NR4A1: variants seen among roughly 807,000 people sequenced by gnomAD.
NR4A1 encodes nuclear receptor subfamily 4 group A member 1.
A neutral mutation model predicts 47.5 loss-of-function variants in NR4A1; 24 were observed. The ratio of observed to expected loss-of-function variants is 0.50; its 90% CI spans 0.37 to 0.71. The LOEUF is 0.71. NR4A1 is among the 30% of genes least tolerant of loss of function. NR4A1 has a pLI of 0.00. For synonymous variants in NR4A1, 353 were observed against 345.7 expected (o/e 1.02, Z -0.24); for missense variants, 669 against 788.6 (o/e 0.85, Z 1.82).
At chr12:52,056,969 C>A in intron 4 of NR4A1, 88 bp from the exon 5 acceptor site, 1 of 1,261,428 alleles carries the variant, frequency 7.9e-7, no homozygotes, top group Non-Finnish European at 1.1e-6. Context: ...CTCCCGGGAT[C>A]TGGCATCCAA....
intron 1 of NR4A1, chr12:52,053,968 T>C (rs2603756): frequency 0.41 from 95,580 of 230,852 alleles, 22,386 homozygotes; most frequent in African/African-American, 0.65. Flanking sequence ...GCCCCCACCA[T>C]GCCTTCCCCA....
upstream of NR4A1, among the ~76,000 whole-genome samples, chr12:52,048,548 A>T (rs887787194): frequency 3.3e-5 from 5 of 152,074 alleles, no homozygotes; most frequent in Non-Finnish European, 7.4e-5. Flanking sequence ...GAGCCGAGAT[A>T]GTGCCACTGC....
At chr12:52,029,138 G>C (rs1359247280) in intron 1 of NR4A1, among the ~76,000 whole-genome samples, 1 of 152,212 alleles carries the variant, frequency 6.6e-6, no homozygotes, top group Non-Finnish European at 1.5e-5. Flanking sequence ...AGTGGAAAGT[G>C]AGTGAGTTGC....
chr12:52,036,397 G>C lies in NR4A1; in HGVS notation c.-83-5413G>C, dbSNP rs148541680. On this transcript the variant is annotated intron_variant, in intron 1 of 7. Coordinates refer to the NR4A1 transcript ENST00000360284. ...ATGAAGCACTCCTTTGGATTGGGGA[G>C]AGCAGGGAGAACTAACTCAGTATCT... 2.9e-3 allele frequency among the ~76,000 whole-genome samples: 439 copies of C among 152,326 alleles called. 2 individuals are homozygous for C. Among genetic ancestry groups the C allele is most frequent in the African/African-American group, 9.6e-3 (399 of 41,568 alleles).
At chr12:52,052,022 C>T (rs867930229) in intron 1 of NR4A1, among the ~76,000 whole-genome samples, 3 of 152,120 alleles carry the variant, frequency 2.0e-5, no homozygotes, top group African/African-American at 7.2e-5. Context: ...CCTGTCAGCT[C>T]CCTCCCAGTG....
intron 1 of NR4A1, chr12:52,053,427 T>C (rs1939082155): frequency 6.6e-6 from 1 of 152,208 alleles, no homozygotes; most frequent in Non-Finnish European, 1.5e-5. Flanking sequence ...CAGAGTTCTC[T>C]TATTAAGATA....
upstream of NR4A1, among the ~76,000 whole-genome samples, chr12:52,047,883 G>A (rs570509299): frequency 5.3e-4 from 81 of 152,260 alleles, no homozygotes; most frequent in Middle Eastern, 3.4e-3. Context: ...GGCCGAGGGC[G>A]GTGGCTCACG....
intron 2 of NR4A1, among the ~76,000 whole-genome samples, chr12:52,042,845 C>T (rs1015813591): frequency 5.3e-5 from 8 of 152,226 alleles, no homozygotes; most frequent in African/African-American, 1.9e-4. Context: ...GCACCCCAGA[C>T]AGGGGTCATG....
At chr12:52,036,510 G>A (rs1011937265) in intron 1 of NR4A1, among the ~76,000 whole-genome samples, 6 of 152,220 alleles carry the variant, frequency 3.9e-5, no homozygotes, top group African/African-American at 1.4e-4. Flanking sequence ...TAGAGACGAG[G>A]AAGCTGAGGC....
chr12:52,035,754 G>A (rs115633112), intron 1 of NR4A1, among the ~76,000 whole-genome samples: 57 of 152,278 alleles, frequency 3.7e-4, no homozygotes, highest in African/African-American at 1.3e-3. Flanking sequence ...ATGAGAGAAA[G>A]GGAATTCTGA....
intron 1 of NR4A1, among the ~76,000 whole-genome samples, chr12:52,038,958 C>T (rs761683406): frequency 7.2e-5 from 11 of 152,182 alleles, no homozygotes; most frequent in Non-Finnish European, 1.6e-4. Flanking sequence ...AGCCTCCATC[C>T]GCTACACAGG....
upstream of NR4A1, among the ~76,000 whole-genome samples, chr12:52,050,056 G>C (rs899129671): frequency 3.3e-5 from 5 of 152,152 alleles, no homozygotes; most frequent in Admixed American, 6.5e-5. Flanking sequence ...GAATGGATGG[G>C]GGTCGCAGTG....
At chr12:52,056,880 C>T (rs1027341500) in intron 4 of NR4A1, 177 bp from the exon 5 acceptor site, 6 of 805,156 alleles carry the variant, frequency 7.5e-6, no homozygotes, top group Non-Finnish European at 1.1e-5. Context: ...AAAATATGTC[C>T]TTTTGGCAGC....
chr12:52,025,346 C>T (rs1039196700), intron 1 of NR4A1, among the ~76,000 whole-genome samples: 5 of 152,118 alleles, frequency 3.3e-5, no homozygotes, highest in Admixed American at 6.5e-5. Flanking sequence ...CAGGGGTGAG[C>T]CACCGCCCCA....
At chr12:52,048,317 G>A (rs540976937), upstream of NR4A1, among the ~76,000 whole-genome samples, 95 of 151,844 alleles carry the variant, frequency 6.3e-4, 2 homozygotes, top group African/African-American at 2.1e-3. Context: ...TATTTTGGCC[G>A]GGTACAGTGG....
intron 1 of NR4A1, among the ~76,000 whole-genome samples, chr12:52,025,677 C>T (rs747735081): frequency 2.0e-4 from 31 of 152,222 alleles, no homozygotes; most frequent in Non-Finnish European, 4.0e-4. Flanking sequence ...ATAGAAGACA[C>T]CTCCATGAAA....
At position 52,054,343 on chromosome 12, in the gene NR4A1, A is replaced by C. The variant is rs752752199; in HGVS notation, c.15A>C (p.Gln5His). The change falls in exon 2 of 7, where the codon CAA becomes CAC. Residue 5 changes from glutamine to histidine, a missense_variant. Physicochemically the swap from Gln to His is conservative, Grantham distance 24 (BLOSUM62 0). Transcript: ENST00000394825. ...TCTCTCCAGAGATGCCCTGTATCCA[A>C]GCCCAATATGGGACACCAGCACCGA... Reference protein sequence around the residue: MPCIQAQYGTPAPSP... With the variant: MPCIHAQYGTPAPSP... The C allele has an allele frequency of 6.8e-6, 11 of 1,610,098 alleles. No individual in the cohort carries two copies. Among genetic ancestry groups the C allele is most frequent in the Admixed American group, 1.7e-5 (1 of 59,766 alleles).
intron 1 of NR4A1, among the ~76,000 whole-genome samples, chr12:52,024,137 A>AT (rs1937951911): frequency 6.6e-6 from 1 of 152,222 alleles, no homozygotes; most frequent in Admixed American, 6.5e-5. Flanking sequence ...TGTAACCGCG[A>AT]AGGAGCCTGT....
chr12:52,052,320 AG>A (rs1208104132), intron 1 of NR4A1, among the ~76,000 whole-genome samples: 1 of 150,716 alleles, frequency 6.6e-6, no homozygotes, highest in African/African-American at 2.5e-5. Context: ...AGAGAGAGAG[AG>A]AGAGAGAAAG....
Sources: allele counts gnomAD v4.1 joint callset (sites outside exome capture counted in the v4.1 genomes callset), GRCh38; gene constraint gnomAD v4.1.1; transcripts MANE v1.5; gene names NCBI Gene and HGNC (gene_info 2026-07-23, HGNC 2026-07-21).